VPS53: variants seen among roughly 807,000 people sequenced by gnomAD.
VPS53 encodes the protein vacuolar protein sorting-associated protein 53 homolog.
A neutral mutation model predicts 107.0 loss-of-function variants in VPS53; 70 were observed. That is an observed-to-expected ratio of 0.65 (90% CI 0.54 to 0.80). VPS53 has a LOEUF of 0.80. VPS53 is among the 30% of genes least tolerant of loss of function. The pLI is 0.00. For synonymous variants in VPS53, 409 were observed against 393.3 expected, an observed-to-expected ratio of 1.04 and a Z score of -0.47; for missense variants, 917 against 1,049.4, an observed-to-expected ratio of 0.87 and a Z score of 1.74.
rs142927304 is a variant in VPS53 at position 609,246 on chromosome 17, T to C, written c.1117-7350A>G. On this transcript the variant is annotated intron_variant, in intron 11 of 21. Transcript: ENST00000437048. The stretch of plus-strand genomic sequence containing the variant: ...TGGGTATTTCCTATAGATGGAATCA[T>C]ATAATGTGTGACATCTGTGTCTGGC... Among the ~76,000 whole-genome samples, 969 of 152,308 alleles carry C rather than the reference T, an allele frequency of 6.4e-3. 12 individuals are homozygous for C. Among genetic ancestry groups the C allele is most frequent in the African/African-American group, 0.022 (924 of 41,560 alleles).
chr17:520,008 A>G lies in VPS53; in HGVS notation c.2224-78T>C, dbSNP rs547630456. The stretch of plus-strand genomic sequence containing the variant: ...AGGAGACAGGAGCGGGCCCTCAAGA[A>G]AACTCACTACCCACCGCAGGAGGAG... On this transcript the variant is annotated intron_variant, in intron 20 of 21. Transcript: ENST00000437048. This position sits in a 1 kb window ranked among gnomAD's most constrained non-coding sequence, Gnocchi z 4.4. 1 of 1,009,402 alleles carries G rather than the reference A, an allele frequency of 9.9e-7. No individual in the cohort carries two copies. The highest frequency in any genetic ancestry group is 1.4e-5 in the South Asian group (1 of 71,578). The allele number at this position is 1,009,402 out of a possible 1,614,324, so 62.5% of individuals were successfully genotyped here.
intron 17 of VPS53, among the ~76,000 whole-genome samples, chr17:548,084 G>A (rs572915139): frequency 2.6e-5 from 4 of 152,320 alleles, no homozygotes; most frequent in African/African-American, 9.6e-5. Context: ...CATGGAAGCC[G>A]CAAAAGAGCA....
intron 7 of VPS53, among the ~76,000 whole-genome samples, chr17:634,403 T>C (rs866841585): frequency 2.0e-5 from 3 of 152,166 alleles, no homozygotes; most frequent in Non-Finnish European, 4.4e-5. Context: ...CTTATTTTTT[T>C]TTATTATTAT....
In VPS53 at chr17:707,288, G is replaced by A. The variant is rs189275336; in HGVS notation, c.168+3245C>T. Reference sequence around the variant, plus strand: ...TGTCATCCCAGCACTTTGGGAGGCCGAGGCGGGCGGATCACCTGAGGTCAG... The same window carrying A: ...TGTCATCCCAGCACTTTGGGAGGCCAAGGCGGGCGGATCACCTGAGGTCAG... On this transcript the variant is annotated intron_variant, in intron 2 of 21. Coordinates refer to ENST00000437048, the MANE Select transcript of VPS53 (RefSeq NM_001128159.3). Among the ~76,000 whole-genome samples, 96 of 152,290 alleles carry A rather than the reference G, an allele frequency of 6.3e-4. 1 individual carries two copies. In the East Asian group the frequency reaches 0.014, roughly 22 times the overall value.
intron 12 of VPS53, among the ~76,000 whole-genome samples, chr17:596,294 A>G (rs1035524556): frequency 1.3e-5 from 2 of 152,216 alleles, no homozygotes; most frequent in African/African-American, 4.8e-5. Context: ...CTCATCTCTT[A>G]GGTATAAAAT....
Position 697,495 on chromosome 17 carries a change from A to G in VPS53, c.219-11T>C, listed in dbSNP as rs4968100. On this transcript the variant is annotated splice_polypyrimidine_tract_variant and intron_variant, in intron 3 of 21. Coordinates refer to ENST00000437048, the MANE Select transcript of VPS53 (RefSeq NM_001128159.3). Reference sequence around the variant, plus strand: ...TTGTCATCCAGTCTCCTAGCAAAACAGTTCAAGGATACAGTCATTCAAATA... The same window carrying G: ...TTGTCATCCAGTCTCCTAGCAAAACGGTTCAAGGATACAGTCATTCAAATA... The G allele has an allele frequency of 0.17, 273,170 of 1,605,226 alleles. 24,733 individuals are homozygous for G. The highest frequency in any genetic ancestry group is 0.26 in the African/African-American group (19,500 of 74,762).
chr17:584,301 C>T (rs1466081815), intron 13 of VPS53, among the ~76,000 whole-genome samples: 1 of 152,128 alleles, frequency 6.6e-6, no homozygotes, highest in Admixed American at 6.5e-5. Flanking sequence ...GGCTTGGCTG[C>T]GGACAAGGAC....
At chr17:674,145 C>T (rs936283779) in intron 4 of VPS53, 2 of 152,068 alleles carry the variant, frequency 1.3e-5, no homozygotes, top group Admixed American at 6.6e-5. Flanking sequence ...GACAAGGAAA[C>T]GTTTAAGCAA....
chr17:578,955 G>A (rs1249877309), intron 13 of VPS53, among the ~76,000 whole-genome samples: 1 of 149,116 alleles, frequency 6.7e-6, no homozygotes, highest in African/African-American at 2.5e-5. Flanking sequence ...CGTTCCCAAA[G>A]ATCCTCCCTC....
chr17:510,706 A>G lies in VPS53; in HGVS notation c.*8422T>C, dbSNP rs1292063911. On this transcript the variant is annotated 3_prime_UTR_variant, in exon 22 of 22. Coordinates refer to ENST00000437048, the MANE Select transcript of VPS53 (RefSeq NM_001128159.3). ...CTTCCCACCCCACCAACATGTACAG[A>G]TAGCACTGAATTGCCCAGGCCCTCT... 6.5e-6 allele frequency: 1 copy of G among 152,892 alleles called. No homozygotes were observed. The highest frequency in any genetic ancestry group is 1.9e-4 in the East Asian group (1 of 5,218). 9.5% of individuals were successfully genotyped at this position (152,892 alleles called of 1,614,324 possible). A position where few individuals can be genotyped will look rare whatever the true frequency, so the allele number is the denominator to read the frequency against.
At chr17:650,557 C>T (rs1332081213) in intron 7 of VPS53, among the ~76,000 whole-genome samples, 3 of 151,980 alleles carry the variant, frequency 2.0e-5, no homozygotes, top group Middle Eastern at 3.2e-3. Flanking sequence ...TTAAAGGAAC[C>T]GGATACCGTT....
intron 13 of VPS53, among the ~76,000 whole-genome samples, chr17:565,361 C>A (rs993472538): frequency 2.2e-5 from 3 of 137,474 alleles, no homozygotes; most frequent in African/African-American, 8.1e-5. Flanking sequence ...CGAGATCGTA[C>A]CATTGCACTA....
intron 4 of VPS53, among the ~76,000 whole-genome samples, chr17:669,645 G>C (rs1430574513): frequency 6.7e-6 from 1 of 148,482 alleles, no homozygotes; most frequent in Non-Finnish European, 1.5e-5. Context: ...TGTAATCCCA[G>C]CACTTTGGGA....
intron 4 of VPS53, among the ~76,000 whole-genome samples, chr17:695,666 C>T (rs774093607): frequency 3.9e-5 from 6 of 152,106 alleles, no homozygotes; most frequent in Non-Finnish European, 7.4e-5. Context: ...CTTCCTGTCT[C>T]GGCCTCCTCA....
At chr17:554,674 TAGCTGGGACTAC>T (rs1409224505) in intron 15 of VPS53, among the ~76,000 whole-genome samples, 7 of 152,176 alleles carry the variant, frequency 4.6e-5, no homozygotes, top group African/African-American at 1.7e-4. Context: ...AAGCACTGAG[TAGCTGGGACTAC>T]AGCTGGGATT....
chr17:629,693 G>C (rs1969859985), intron 8 of VPS53, among the ~76,000 whole-genome samples: 1 of 151,670 alleles, frequency 6.6e-6, no homozygotes, highest in African/African-American at 2.4e-5. Flanking sequence ...AACTCGGAAG[G>C]TGGAGCTTGC....
intron 11 of VPS53, among the ~76,000 whole-genome samples, chr17:605,722 G>A (rs561055662): frequency 1.3e-5 from 2 of 148,456 alleles, no homozygotes; most frequent in African/African-American, 5.0e-5. Context: ...GGTGAGTCAG[G>A]GACGGAAACG....
At chr17:645,263 C>T (rs9900628) in intron 7 of VPS53, among the ~76,000 whole-genome samples, 1,720 of 152,302 alleles carry the variant, frequency 0.011, 44 homozygotes, top group African/African-American at 0.04. Context: ...CACGTCCTAA[C>T]GGGGGCATCT....
chr17:703,686 T>C (rs1322981380), intron 2 of VPS53, among the ~76,000 whole-genome samples: 2 of 152,230 alleles, frequency 1.3e-5, no homozygotes, highest in Non-Finnish European at 2.9e-5. Flanking sequence ...AGAAAATAGG[T>C]AGTCATCTGC....
Sources: allele counts gnomAD v4.1 joint callset (sites outside exome capture counted in the v4.1 genomes callset), GRCh38; gene constraint gnomAD v4.1.1; non-coding constraint Gnocchi (gnomAD v3.1); transcripts MANE v1.5; gene names NCBI Gene and HGNC (gene_info 2026-07-23, HGNC 2026-07-21).